The following PRKCZ variants were observed in gnomAD, a reference collection of about 807,000 sequenced individuals.
PRKCZ encodes the protein protein kinase C zeta type.
A neutral mutation model predicts 79.5 loss-of-function variants in PRKCZ; 33 were observed. That is an observed-to-expected ratio of 0.41 (90% CI 0.31 to 0.55). PRKCZ has a LOEUF of 0.55. Among genes scored for constraint, PRKCZ ranks in the 20% least tolerant of loss-of-function variants. The probability of loss-of-function intolerance (pLI) is 0.19; values close to 1 mark genes in which losing one functional copy is unlikely to be tolerated. For missense variants in PRKCZ, 578 were observed against 813.5 expected, an observed-to-expected ratio of 0.71 and a Z score of 3.52; for synonymous variants, 342 against 320.9, an observed-to-expected ratio of 1.07 and a Z score of -0.70.
intron 8 of PRKCZ, among the ~76,000 whole-genome samples, chr1:2,150,426 G>A (rs1428929681): frequency 1.3e-5 from 2 of 152,210 alleles, no homozygotes; most frequent in African/African-American, 2.4e-5. Context: ...GATCAGGAAG[G>A]ATGGGCCCAG....
At chr1:2,147,939 C>T (rs564667168) in intron 7 of PRKCZ, among the ~76,000 whole-genome samples, 156 of 151,058 alleles carry the variant, frequency 1.0e-3, no homozygotes, top group Non-Finnish European at 1.7e-3. Flanking sequence ...TCCGTCTATC[C>T]ATCTATCTAT....
At chr1:2,136,017 T>C (rs955538905) in intron 5 of PRKCZ, among the ~76,000 whole-genome samples, 1 of 152,112 alleles carries the variant, frequency 6.6e-6, no homozygotes, top group Non-Finnish European at 1.5e-5. Context: ...ATACAGGGCC[T>C]GTCCCCACTG....
At chr1:2,053,806 G>A (rs531225379) in intron 1 of PRKCZ, among the ~76,000 whole-genome samples, 2 of 152,324 alleles carry the variant, frequency 1.3e-5, no homozygotes, top group South Asian at 4.1e-4. Context: ...GTCAGCTTGG[G>A]GCGACCCCAG....
At chr1:2,088,099 G>C (rs1664856413) in intron 4 of PRKCZ, among the ~76,000 whole-genome samples, 1 of 152,242 alleles carries the variant, frequency 6.6e-6, no homozygotes, top group Non-Finnish European at 1.5e-5. Flanking sequence ...GATGCTGCCT[G>C]AGTTGGGGTT....
At chr1:2,124,385 A>G (rs1360994753) in intron 4 of PRKCZ, among the ~76,000 whole-genome samples, 1 of 118,192 alleles carries the variant, frequency 8.5e-6, no homozygotes, top group Non-Finnish European at 1.7e-5. Flanking sequence ...GGTTAGGGTC[A>G]CGGCGGTGGT....
intron 4 of PRKCZ, among the ~76,000 whole-genome samples, chr1:2,118,734 TGTGTGTGTGTGTGTGTGTGTGA>T (rs1420412805): frequency 6.8e-6 from 1 of 147,806 alleles, no homozygotes; most frequent in African/African-American, 2.6e-5. Context: ...TGTGTGTGTG[TGTGTGTGTGTGTGTGTGTGTGA>T]GATGAGGGGA....
At chr1:2,077,745 C>G (rs1238402488) in intron 4 of PRKCZ, among the ~76,000 whole-genome samples, 23 of 152,222 alleles carry the variant, frequency 1.5e-4, no homozygotes, top group Non-Finnish European at 5.9e-5. Flanking sequence ...TTCCAGATTT[C>G]TAAATGACAC....
chr1:2,170,498 C>T (rs369870995), intron 11 of PRKCZ, among the ~76,000 whole-genome samples: 4 of 117,162 alleles, frequency 3.4e-5, no homozygotes, highest in Non-Finnish European at 5.5e-5. Flanking sequence ...TGTGGCAACA[C>T]ACAACATAAA....
chr1:2,062,569 C>T (rs535484898), intron 4 of PRKCZ, among the ~76,000 whole-genome samples: 2 of 149,748 alleles, frequency 1.3e-5, no homozygotes, highest in East Asian at 4.0e-4. Flanking sequence ...TGGCTTACTA[C>T]TACTCTGCCT....
chr1:2,052,321 G>A (rs1027440974), intron 1 of PRKCZ, among the ~76,000 whole-genome samples: 4 of 152,024 alleles, frequency 2.6e-5, no homozygotes, highest in Non-Finnish European at 5.9e-5. Context: ...TGGTGGGGCG[G>A]GTGTAATTCC....
At chr1:2,151,082 A>C in intron 9 of PRKCZ, 104 bp downstream of exon 9, 3 of 1,340,230 alleles carry the variant, frequency 2.2e-6, no homozygotes, top group Non-Finnish European at 2.0e-6. Flanking sequence ...ACCTAGCCTC[A>C]CGTTGACGGA....
chr1:2,053,504 C>G (rs535918650), intron 1 of PRKCZ, among the ~76,000 whole-genome samples: 20 of 152,318 alleles, frequency 1.3e-4, no homozygotes, highest in African/African-American at 4.6e-4. Flanking sequence ...GCCCAGCTGG[C>G]TGCTGGGTGC....
chr1:2,142,372 G>A (rs534490588), intron 5 of PRKCZ: 1 of 56,510 alleles, frequency 1.8e-5, no homozygotes, highest in South Asian at 2.1e-4. Flanking sequence ...TCCAGCAGCC[G>A]AAGCGCCCTC....
At chr1:2,066,358 T>TTCTC (rs148986496) in intron 4 of PRKCZ, among the ~76,000 whole-genome samples, 6,387 of 152,030 alleles carry the variant, frequency 0.042, 476 homozygotes, top group East Asian at 0.34. Flanking sequence ...TTCTCTTTCT[T>TTCTC]TCTCTCTCTC....
chr1:2,180,589 G>A (rs1172592318), intron 16 of PRKCZ, among the ~76,000 whole-genome samples: 3 of 151,360 alleles, frequency 2.0e-5, no homozygotes, highest in Non-Finnish European at 4.4e-5. Context: ...CTGGACGCAC[G>A]GACGACGTGG....
At chr1:2,050,348 C>CACCGCCCGCCCCGGG (rs1160337561), upstream of PRKCZ, 18 of 162,948 alleles carry the variant, frequency 1.1e-4, no homozygotes, top group Non-Finnish European at 2.6e-5. Context: ...CCGCAGGTGC[C>CACCGCCCGCCCCGGG]ACCGCCCGCC....
intron 3 of PRKCZ, among the ~76,000 whole-genome samples, chr1:2,058,418 C>T (rs1001815598): frequency 6.6e-6 from 1 of 150,798 alleles, no homozygotes; most frequent in Non-Finnish European, 1.5e-5. Flanking sequence ...GTAGAGGCTA[C>T]AGTGAACTGT....
intron 4 of PRKCZ, among the ~76,000 whole-genome samples, chr1:2,130,098 G>T (rs1674666631): frequency 6.6e-6 from 1 of 152,108 alleles, no homozygotes; most frequent in Non-Finnish European, 1.5e-5. Context: ...TAGAGACGGG[G>T]TCTCACCATA....
rs540763530 is a variant in PRKCZ, at chr1:2,165,301, G to A, written c.975-4217G>A. Among the ~76,000 whole-genome samples, 4 of 152,216 alleles carry A rather than the reference G, an allele frequency of 2.6e-5. No homozygotes were observed. The highest frequency in any genetic ancestry group is 5.9e-5 in the Non-Finnish European group (4 of 68,042). Reference sequence around the variant, plus strand: ...CTGTCACCGCTGTGATGTCCGCTGTGAGGTGGGGACAGGACCTGGAAGTGG... The same window carrying A: ...CTGTCACCGCTGTGATGTCCGCTGTAAGGTGGGGACAGGACCTGGAAGTGG... On this transcript the variant is annotated intron_variant, in intron 10 of 17. Transcript: ENST00000378567. This position sits in a 1 kb window ranked among gnomAD's most constrained non-coding sequence, Gnocchi z 4.1.
Sources: gnomAD v4.1 joint callset for allele counts (sites outside exome capture counted in the v4.1 genomes callset) on GRCh38, gnomAD v4.1.1 for gene constraint, Gnocchi (gnomAD v3.1) non-coding constraint, MANE v1.5 for transcripts, NCBI Gene and HGNC (gene_info 2026-07-23, HGNC 2026-07-21) for gene names.